EPYC: variants seen among roughly 807,000 people sequenced by gnomAD.
The protein encoded by EPYC is dermatan sulfate proteoglycan 3.
A neutral mutation model predicts 30.1 loss-of-function variants in EPYC; 28 were observed. The observed-to-expected ratio is 0.93, with a 90% CI of 0.69 to 1.28. The LOEUF is 1.28. Among genes scored for constraint, EPYC ranks in the 50% most tolerant of loss-of-function variants. The pLI is 0.00. For missense variants in EPYC, 382 were observed against 383.5 expected (o/e 1.00, Z 0.03); for synonymous variants, 144 against 141.4 (o/e 1.02, Z -0.13).
At chr12:90,999,513 T>A (rs1018405562) in intron 2 of EPYC, among the ~76,000 whole-genome samples, 1 of 152,128 alleles carries the variant, frequency 6.6e-6, no homozygotes, top group African/African-American at 2.4e-5. Flanking sequence ...AAGAATCTCA[T>A]CCTACCATTT....
At chr12:90,973,012 A>C (rs374629719) in intron 3 of EPYC, 32 bp from the exon 4 acceptor site, 66 of 1,443,770 alleles carry the variant, frequency 4.6e-5, no homozygotes, top group Middle Eastern at 1.8e-4. Flanking sequence ...AATTAAATGT[A>C]AGTACCAAAT....
chr12:90,978,560 C>T (rs1437284550), intron 2 of EPYC, among the ~76,000 whole-genome samples: 1 of 151,216 alleles, frequency 6.6e-6, no homozygotes, highest in South Asian at 2.1e-4. Flanking sequence ...AAAAAAAGCT[C>T]ATTTATTGTT....
intron 2 of EPYC, among the ~76,000 whole-genome samples, chr12:90,996,601 A>T (rs369582525): frequency 1.3e-5 from 2 of 152,042 alleles, no homozygotes. Flanking sequence ...TCCTTTCAAA[A>T]ATCTTCTAGA....
chr12:90,989,613 A>T (rs1472544765), intron 2 of EPYC, among the ~76,000 whole-genome samples: 7 of 152,052 alleles, frequency 4.6e-5, no homozygotes. Flanking sequence ...TAAGTGAAAA[A>T]TTCCATGCCA....
chr12:90,973,373 A>G (rs999433006), intron 3 of EPYC, among the ~76,000 whole-genome samples: 3 of 152,190 alleles, frequency 2.0e-5, no homozygotes, highest in African/African-American at 7.2e-5. Context: ...ATAATTATTA[A>G]TATTCAGTTG....
At chr12:90,980,869 A>G (rs563833052) in intron 2 of EPYC, among the ~76,000 whole-genome samples, 4 of 152,206 alleles carry the variant, frequency 2.6e-5, no homozygotes, top group South Asian at 2.1e-4. Flanking sequence ...TGTTCATTAT[A>G]TTTCCCTAAA....
chr12:90,992,208 G>C (rs999535525), intron 2 of EPYC, among the ~76,000 whole-genome samples: 6 of 152,278 alleles, frequency 3.9e-5, no homozygotes, highest in Non-Finnish European at 5.9e-5. Flanking sequence ...ATTCCTATGA[G>C]AGTCTAATGC....
intron 5 of EPYC, among the ~76,000 whole-genome samples, chr12:90,971,591 G>A (rs1304857427): frequency 6.6e-6 from 1 of 151,736 alleles, no homozygotes; most frequent in Non-Finnish European, 1.5e-5. Flanking sequence ...AGGATCATCT[G>A]AGCCCAGGGA....
chr12:90,984,521 G>GA (rs1216314441), intron 2 of EPYC, among the ~76,000 whole-genome samples: 1 of 152,062 alleles, frequency 6.6e-6, no homozygotes, highest in Middle Eastern at 3.2e-3. Context: ...CTGTGATGGG[G>GA]AAAAATGGCC....
At chr12:91,002,015 C>T (rs913247071) in intron 2 of EPYC, among the ~76,000 whole-genome samples, 9 of 151,434 alleles carry the variant, frequency 5.9e-5, no homozygotes, top group Non-Finnish European at 1.3e-4. Flanking sequence ...GGTGAAATCC[C>T]ATCTCTACTA....
intron 2 of EPYC, among the ~76,000 whole-genome samples, chr12:90,999,576 G>A (rs1877773901): frequency 6.6e-6 from 1 of 151,856 alleles, no homozygotes; most frequent in Non-Finnish European, 1.5e-5. Context: ...CCCTATATTG[G>A]TTACGTTAGT....
chr12:90,984,120 A>G (rs1483868139), intron 2 of EPYC, among the ~76,000 whole-genome samples: 1 of 152,154 alleles, frequency 6.6e-6, no homozygotes, highest in East Asian at 1.9e-4. Flanking sequence ...ACATCTTTAT[A>G]GGACAGGGGT....
At chr12:90,982,248 G>A (rs748282999) in intron 2 of EPYC, among the ~76,000 whole-genome samples, 2 of 152,092 alleles carry the variant, frequency 1.3e-5, no homozygotes, top group African/African-American at 2.4e-5. Context: ...ATGTCCTCTA[G>A]TGTAGATGTA....
intron 2 of EPYC, among the ~76,000 whole-genome samples, chr12:90,981,272 T>C (rs1003780357): frequency 2.6e-5 from 4 of 152,114 alleles, no homozygotes; most frequent in Non-Finnish European, 4.4e-5. Context: ...AAGCAACATA[T>C]CACCTCAACC....
intron 2 of EPYC, among the ~76,000 whole-genome samples, chr12:90,994,957 G>A (rs1877664868): frequency 1.3e-5 from 2 of 151,932 alleles, no homozygotes; most frequent in African/African-American, 2.4e-5. Context: ...TTACCACTAC[G>A]GCAACAATTG....
chr12:91,002,252 A>G, intron 2 of EPYC, 149 bp downstream of exon 2: 2 of 611,370 alleles, frequency 3.3e-6, no homozygotes, highest in Non-Finnish European at 5.4e-6. Context: ...AAAAGATTGA[A>G]CATGTTTTGG....
intron 4 of EPYC, among the ~76,000 whole-genome samples, chr12:90,972,215 C>A (rs1196292296): frequency 6.6e-6 from 1 of 152,144 alleles, no homozygotes; most frequent in Non-Finnish European, 1.5e-5. Flanking sequence ...TGGTACACCA[C>A]GTTTAAAATA....
chr12:90,991,136 G>A (rs1213944683), intron 2 of EPYC, among the ~76,000 whole-genome samples: 1 of 152,102 alleles, frequency 6.6e-6, no homozygotes, highest in East Asian at 1.9e-4. Flanking sequence ...CCAAGGAATG[G>A]AGTATATAAT....
intron 6 of EPYC, among the ~76,000 whole-genome samples, chr12:90,967,682 T>C (rs1250565695): frequency 6.6e-6 from 1 of 152,208 alleles, no homozygotes; most frequent in African/African-American, 2.4e-5. Context: ...CTATCCATTA[T>C]TGAAGCAAGG....
Sources: allele counts gnomAD v4.1 joint callset (sites outside exome capture counted in the v4.1 genomes callset), GRCh38; gene constraint gnomAD v4.1.1; transcripts MANE v1.5; gene names NCBI Gene and HGNC (gene_info 2026-07-23, HGNC 2026-07-21).